DAAM2: variants seen among roughly 807,000 people sequenced by gnomAD.
The protein encoded by DAAM2 is dishevelled associated activator of morphogenesis 2, also known as disheveled-associated activator of morphogenesis 2.
A neutral mutation model predicts 120.7 loss-of-function variants in DAAM2; 39 were observed. The observed-to-expected ratio is 0.32, with a 90% CI of 0.25 to 0.42. The LOEUF (loss-of-function observed/expected upper bound fraction) is 0.42, where lower values mean the gene tolerates loss of function less well. Ranked by LOEUF, DAAM2 falls within the 10% of genes least tolerant of loss-of-function variation. The pLI is 1.00. For synonymous variants in DAAM2, 488 were observed against 524.9 expected, an observed-to-expected ratio of 0.93 and a Z score of 0.96; for missense variants, 1,283 against 1,401.7, an observed-to-expected ratio of 0.92 and a Z score of 1.35.
chr6:39,896,729 G>A, intron 19 of DAAM2, 83 bp from the exon 20 acceptor site: 1 of 1,255,782 alleles, frequency 8.0e-7, no homozygotes, highest in Non-Finnish European at 1.1e-6. Flanking sequence ...TCTGAACTTT[G>A]CGGTGGCATC....
At chr6:39,865,806 A>G (rs1014610300) in intron 5 of DAAM2, among the ~76,000 whole-genome samples, 5 of 152,232 alleles carry the variant, frequency 3.3e-5, no homozygotes, top group African/African-American at 9.7e-5. Context: ...CAAAGGTAAT[A>G]AATACTTGAA....
At position 39,902,309 on chromosome 6, in the gene DAAM2, A is replaced by C. The variant is rs1460975943; in HGVS notation, c.*272A>C. The C allele has an allele frequency of 3.0e-6, 1 of 338,462 alleles. No homozygotes were observed. The highest frequency in any genetic ancestry group is 9.0e-5 in the South Asian group (1 of 11,080). The allele number at this position is 338,462 out of a possible 1,614,324, so 21.0% of individuals were successfully genotyped here. On this transcript the variant is annotated 3_prime_UTR_variant, in exon 25 of 25. Transcript: ENST00000274867. ...GGATGGCCTCAGGCCAGGTAACCCC[A>C]GGCTGAAGGGGCCCTGCTCCCCATC...
intron 1 of DAAM2, among the ~76,000 whole-genome samples, chr6:39,794,801 T>G (rs1761652136): frequency 6.6e-6 from 1 of 152,180 alleles, no homozygotes; most frequent in Admixed American, 6.5e-5. Context: ...GATGAGGCTT[T>G]CTTATTTGAT....
intron 14 of DAAM2, among the ~76,000 whole-genome samples, chr6:39,882,513 C>T (rs1484706900): frequency 1.3e-5 from 2 of 152,040 alleles, no homozygotes; most frequent in Non-Finnish European, 2.9e-5. Context: ...TTCCCTACCT[C>T]CACGTTGGTC....
intron 7 of DAAM2, 28 bp downstream of exon 7, chr6:39,868,961 G>T: frequency 6.7e-7 from 1 of 1,489,502 alleles, no homozygotes; most frequent in South Asian, 1.2e-5. Context: ...TGCCCTTGCT[G>T]TTCCCTGACT....
chr6:39,875,258 G>A (rs1582715825), intron 10 of DAAM2, 72 bp from the exon 11 acceptor site: 1 of 1,523,094 alleles, frequency 6.6e-7, no homozygotes, highest in Admixed American at 1.9e-5. Flanking sequence ...CAGACCCCAG[G>A]CAGCAACTCT....
At chr6:39,855,479 C>T (rs774353621) in intron 1 of DAAM2, among the ~76,000 whole-genome samples, 3 of 152,172 alleles carry the variant, frequency 2.0e-5, no homozygotes, top group Non-Finnish European at 4.4e-5. Flanking sequence ...GAGCAGATTT[C>T]TTCTGAAAAT....
At chr6:39,817,636 G>A (rs748914044) in intron 1 of DAAM2, among the ~76,000 whole-genome samples, 112 of 152,140 alleles carry the variant, frequency 7.4e-4, no homozygotes, top group Non-Finnish European at 1.3e-3. Context: ...TAAGGAATGG[G>A]CTCCCATGGT....
intron 15 of DAAM2, chr6:39,886,951 A>C (rs1039264932): frequency 6.5e-6 from 1 of 154,982 alleles, no homozygotes; most frequent in Non-Finnish European, 1.4e-5. Flanking sequence ...TTCAGTTTCC[A>C]TACCTCTGAA....
At position 39,836,585 on chromosome 6, in the gene DAAM2, G is replaced by A. The variant is rs540496273; in HGVS notation, c.-56-19662G>A. Among the ~76,000 whole-genome samples the A allele has an allele frequency of 2.0e-5, 3 of 152,278 alleles. No homozygotes were observed. The South Asian group carries it at 6.2e-4, about 32-fold the overall frequency. The stretch of plus-strand genomic sequence containing the variant: ...GTATGCCTAACTCCAAAGCTCCATT[G>A]TCATCTCTTCTCACAGCTACAGAGC... On this transcript the variant is annotated intron_variant, in intron 1 of 24. Transcript: ENST00000274867.
chr6:39,831,681 T>TC (rs1562011173), intron 1 of DAAM2, among the ~76,000 whole-genome samples: 1 of 119,924 alleles, frequency 8.3e-6, no homozygotes, highest in Non-Finnish European at 1.9e-5. Flanking sequence ...ACCTGAACAG[T>TC]CCAGGTCTGT....
intron 11 of DAAM2, 45 bp downstream of exon 11, chr6:39,875,513 A>G: frequency 6.3e-7 from 1 of 1,591,422 alleles, no homozygotes; most frequent in Non-Finnish European, 8.6e-7. Context: ...CACCTTCCTC[A>G]TCACTCTCCC....
chr6:39,856,782 C>T (rs911975524), intron 2 of DAAM2, among the ~76,000 whole-genome samples: 1 of 152,224 alleles, frequency 6.6e-6, no homozygotes, highest in South Asian at 2.1e-4. Context: ...GATGGTGAGA[C>T]ATCTCAAAGA....
chr6:39,878,628 C>T lies in DAAM2; in HGVS notation c.1545+40C>T. On this transcript the variant is annotated intron_variant, in intron 13 of 24. Coordinates refer to ENST00000274867, the MANE Select transcript of DAAM2 (RefSeq NM_001201427.2). This position sits in a 1 kb window ranked among gnomAD's most constrained non-coding sequence, Gnocchi z 5.0. Reference sequence around the variant, plus strand: ...CCCCCTTTACATAGTTGAGCCAAGACCCTGGGCTTCAGGACTGGGTGGGCA... The same window carrying T: ...CCCCCTTTACATAGTTGAGCCAAGATCCTGGGCTTCAGGACTGGGTGGGCA... 2 of 1,557,588 alleles carry T rather than the reference C, an allele frequency of 1.3e-6. No homozygotes were observed. The highest frequency in any genetic ancestry group is 1.7e-6 in the Non-Finnish European group (2 of 1,150,502).
At chr6:39,804,003 A>G (rs2114019025) in intron 1 of DAAM2, among the ~76,000 whole-genome samples, 1 of 152,268 alleles carries the variant, frequency 6.6e-6, no homozygotes, top group South Asian at 2.1e-4. Flanking sequence ...GCAGCCTGGG[A>G]CAATGCTCAC....
intron 1 of DAAM2, among the ~76,000 whole-genome samples, chr6:39,808,293 A>G (rs1582599894): frequency 1.3e-5 from 2 of 152,264 alleles, no homozygotes; most frequent in East Asian, 3.9e-4. Context: ...CCCTTCCTTG[A>G]GAGCTACTGG....
chr6:39,818,182 T>TAAAAAA (rs752326154), intron 1 of DAAM2, among the ~76,000 whole-genome samples: 2 of 85,852 alleles, frequency 2.3e-5, no homozygotes, highest in Non-Finnish European at 2.2e-5. Context: ...GCATCTCAAT[T>TAAAAAA]AAAAAAAAAA....
At chr6:39,840,395 G>GA in intron 1 of DAAM2, among the ~76,000 whole-genome samples, 1 of 152,178 alleles carries the variant, frequency 6.6e-6, no homozygotes, top group Non-Finnish European at 1.5e-5. Context: ...TTTCTTGTGA[G>GA]AATTAAGTGA....
intron 1 of DAAM2, among the ~76,000 whole-genome samples, chr6:39,844,274 A>G (rs1452573607): frequency 6.6e-6 from 1 of 152,088 alleles, no homozygotes; most frequent in Non-Finnish European, 1.5e-5. Flanking sequence ...TGCAGCTAAA[A>G]CCTACCACCC....
Sources: allele counts gnomAD v4.1 joint callset (sites outside exome capture counted in the v4.1 genomes callset), GRCh38; gene constraint gnomAD v4.1.1; non-coding constraint Gnocchi (gnomAD v3.1); transcripts MANE v1.5; gene names NCBI Gene and HGNC (gene_info 2026-07-23, HGNC 2026-07-21).